Variants in INPP4B observed in about 807,000 individuals in gnomAD.
The protein encoded by INPP4B is inositol polyphosphate 4-phosphatase type II.
A neutral mutation model predicts 122.5 loss-of-function variants in INPP4B; 55 were observed. The observed-to-expected ratio is 0.45, with a 90% CI of 0.36 to 0.56. The LOEUF is 0.56. Among genes scored for constraint, INPP4B ranks in the 20% least tolerant of loss-of-function variants. The pLI, the probability that INPP4B is intolerant of heterozygous loss-of-function variation, is 0.00. For missense variants in INPP4B, 1,000 were observed against 1,097.7 expected (o/e 0.91, Z 1.26); for synonymous variants, 403 against 388.7 (o/e 1.04, Z -0.43).
intron 7 of INPP4B, among the ~76,000 whole-genome samples, chr4:142,359,271 A>G (rs1412880993): frequency 6.6e-6 from 1 of 151,834 alleles, no homozygotes; most frequent in Non-Finnish European, 1.5e-5. Flanking sequence ...TGGAAAATCC[A>G]GGCTCCACTA....
At chr4:142,266,774 T>C (rs1310847064) in intron 10 of INPP4B, among the ~76,000 whole-genome samples, 1 of 152,152 alleles carries the variant, frequency 6.6e-6, no homozygotes, top group Non-Finnish European at 1.5e-5. Context: ...AGGGAAATTG[T>C]CTTTGTTTGC....
At chr4:142,715,690 G>C (rs1370969903) in intron 2 of INPP4B, among the ~76,000 whole-genome samples, 1 of 152,200 alleles carries the variant, frequency 6.6e-6, no homozygotes, top group Non-Finnish European at 1.5e-5. Context: ...AGCTCTGGGA[G>C]AAGTTAGGGT....
chr4:142,753,445 TA>T (rs1770026928), intron 1 of INPP4B, among the ~76,000 whole-genome samples: 1 of 152,112 alleles, frequency 6.6e-6, no homozygotes, highest in Non-Finnish European at 1.5e-5. Flanking sequence ...GTTGTTGATG[TA>T]CTGATTGTCA....
chr4:142,428,680 G>A (rs1201111101), intron 5 of INPP4B, among the ~76,000 whole-genome samples: 3 of 152,034 alleles, frequency 2.0e-5, no homozygotes, highest in Admixed American at 2.0e-4. Flanking sequence ...ACAAGTCAAA[G>A]CTTGATTGAA....
intron 1 of INPP4B, among the ~76,000 whole-genome samples, chr4:142,776,421 T>C (rs1031310651): frequency 2.0e-5 from 3 of 152,140 alleles, no homozygotes; most frequent in African/African-American, 7.2e-5. Context: ...TGTTGGTCCA[T>C]GGACTGCTTG....
chr4:142,684,165 C>A (rs13149611), intron 2 of INPP4B, among the ~76,000 whole-genome samples: 118,156 of 151,988 alleles, frequency 0.78, 46,606 homozygotes, highest in East Asian at 0.85. Flanking sequence ...TTTTGTGGTC[C>A]TCATGTTTGC....
intron 9 of INPP4B, among the ~76,000 whole-genome samples, chr4:142,283,334 T>C (rs1481951349): frequency 6.6e-6 from 1 of 152,106 alleles, no homozygotes; most frequent in Non-Finnish European, 1.5e-5. Context: ...GATTTTAAAT[T>C]TGAGACACTT....
At chr4:142,043,698 AAAAT>A in intron 25 of INPP4B, among the ~76,000 whole-genome samples, 1 of 152,346 alleles carries the variant, frequency 6.6e-6, no homozygotes, top group African/African-American at 2.4e-5. Flanking sequence ...TACATTTTCT[AAAAT>A]AAACATTTGC....
chr4:142,429,321 G>C (rs1353653386), intron 4 of INPP4B, 104 bp from the exon 5 acceptor site: 4 of 616,404 alleles, frequency 6.5e-6, no homozygotes, highest in Admixed American at 6.4e-5. Context: ...AATAAAGACA[G>C]TATTTGGCAG....
rs1733998995 is a variant in INPP4B at position 142,577,015 on chromosome 4, T to C, written c.-190-114289A>G. Among the ~76,000 whole-genome samples the C allele has an allele frequency of 2.0e-5, 3 of 152,064 alleles. No individual in the cohort carries two copies. The South Asian group carries it at 6.2e-4, about 31-fold the overall frequency. On this transcript the variant is annotated intron_variant, in intron 2 of 25. Coordinates refer to ENST00000262992, the MANE Select transcript of INPP4B (RefSeq NM_001101669.3). ...ATCTTACAGATACAAAGGTATCACATAATTTACAAGTAATAAAGTATCCAA... is the reference window on the plus strand; with the variant it reads ...ATCTTACAGATACAAAGGTATCACACAATTTACAAGTAATAAAGTATCCAA...
intron 2 of INPP4B, among the ~76,000 whole-genome samples, chr4:142,620,730 AT>A (rs1217360611): frequency 6.6e-6 from 1 of 152,060 alleles, no homozygotes; most frequent in East Asian, 1.9e-4. Flanking sequence ...TTTTACAACT[AT>A]TTAGCAGCAG....
At chr4:142,140,540 A>G (rs1314164756) in intron 18 of INPP4B, among the ~76,000 whole-genome samples, 2 of 152,216 alleles carry the variant, frequency 1.3e-5, no homozygotes, top group Admixed American at 6.5e-5. Flanking sequence ...TACTTCTAGG[A>G]ATGGACAGAA....
At chr4:142,371,340 A>G (rs1789839292) in intron 7 of INPP4B, among the ~76,000 whole-genome samples, 1 of 152,162 alleles carries the variant, frequency 6.6e-6, no homozygotes, top group Non-Finnish European at 1.5e-5. Context: ...AACACAGGGG[A>G]AACACTTCTG....
intron 2 of INPP4B, among the ~76,000 whole-genome samples, chr4:142,527,659 T>C (rs1476274086): frequency 6.6e-6 from 1 of 152,038 alleles, no homozygotes; most frequent in African/African-American, 2.4e-5. Context: ...TGTTGTAACA[T>C]ATAGACTAGG....
In INPP4B at chr4:142,228,523, T is replaced by C. The variant is rs142636706; in HGVS notation, c.836+9341A>G. Among the ~76,000 whole-genome samples, 17 of 152,090 alleles carry C rather than the reference T, an allele frequency of 1.1e-4. No individual in the cohort carries two copies. The East Asian group carries it at 3.3e-3, about 29-fold the overall frequency. ...CTTTGGTGAAGATAGTGAGGAGACA[T>C]AAAAAGTTGGCAGTATTATAAGGAG... On this transcript the variant is annotated intron_variant, in intron 12 of 25. Transcript: ENST00000262992.
intron 7 of INPP4B, among the ~76,000 whole-genome samples, chr4:142,353,277 T>A (rs1343172733): frequency 1.3e-5 from 2 of 151,994 alleles, no homozygotes; most frequent in Non-Finnish European, 1.5e-5. Context: ...TATATTGCAA[T>A]GCTTTCTAAG....
intron 3 of INPP4B, among the ~76,000 whole-genome samples, chr4:142,432,598 T>G (rs1809562966): frequency 6.6e-6 from 1 of 152,126 alleles, no homozygotes; most frequent in South Asian, 2.1e-4. Context: ...CCTAATTTTT[T>G]TTACCATTAA....
intron 12 of INPP4B, among the ~76,000 whole-genome samples, chr4:142,236,222 G>A (rs1856653748): frequency 6.6e-6 from 1 of 152,144 alleles, no homozygotes; most frequent in African/African-American, 2.4e-5. Flanking sequence ...AGTAAGAGTG[G>A]TTCTTGGTGT....
At chr4:142,110,610 G>A (rs1390526257) in intron 22 of INPP4B, among the ~76,000 whole-genome samples, 2 of 152,114 alleles carry the variant, frequency 1.3e-5, no homozygotes, top group Non-Finnish European at 2.9e-5. Context: ...AACGGTTGAT[G>A]TCAGAGTGCT....
Sources: gnomAD v4.1 joint callset for allele counts (sites outside exome capture counted in the v4.1 genomes callset) on GRCh38, gnomAD v4.1.1 for gene constraint, MANE v1.5 for transcripts, NCBI Gene and HGNC (gene_info 2026-07-23, HGNC 2026-07-21) for gene names.